The following SCYL2 variants were observed in gnomAD, a reference collection of about 807,000 sequenced individuals.
SCYL2 encodes SCY1-like protein 2.
Under a neutral mutation model 100.4 loss-of-function variants are expected in SCYL2, and 36 were observed. That is an observed-to-expected ratio of 0.36 (90% CI 0.27 to 0.47). The LOEUF is 0.47. SCYL2 is among the 20% of genes least tolerant of loss of function. SCYL2 has a pLI of 1.00. For synonymous variants in SCYL2, 330 were observed against 359.2 expected, an observed-to-expected ratio of 0.92 and a Z score of 0.92; for missense variants, 902 against 1,083.9, an observed-to-expected ratio of 0.83 and a Z score of 2.36.
intron 2 of SCYL2, among the ~76,000 whole-genome samples, chr12:100,289,537 T>C (rs1355950779): frequency 1.3e-5 from 2 of 152,224 alleles, no homozygotes; most frequent in Non-Finnish European, 2.9e-5. Flanking sequence ...TATCTTGTTA[T>C]TTCTATTATA....
intron 6 of SCYL2, among the ~76,000 whole-genome samples, chr12:100,312,971 A>G (rs1383835143): frequency 1.3e-5 from 2 of 152,056 alleles, no homozygotes; most frequent in African/African-American, 4.8e-5. Flanking sequence ...AAAAAATACA[A>G]AAAGTTAGCT....
chr12:100,288,915 T>C (rs1440809843), intron 2 of SCYL2, among the ~76,000 whole-genome samples: 9 of 151,936 alleles, frequency 5.9e-5, no homozygotes, highest in African/African-American at 1.9e-4. Context: ...GGAATCTCAC[T>C]GTGCTGCCCA....
intron 17 of SCYL2, among the ~76,000 whole-genome samples, chr12:100,338,316 A>G (rs1952305881): frequency 6.6e-6 from 1 of 152,176 alleles, no homozygotes; most frequent in Non-Finnish European, 1.5e-5. Context: ...AGTGTTCCCT[A>G]TCATCAAATC....
In SCYL2 at chr12:100,312,672, TTTGC is replaced by T; in HGVS notation, c.852+24_852+27del. The T allele has an allele frequency of 6.4e-7, 1 of 1,555,648 alleles. No individual in the cohort carries two copies. The highest frequency in any genetic ancestry group is 8.7e-7 in the Non-Finnish European group (1 of 1,143,680). On this transcript the variant is annotated intron_variant, in intron 6 of 17. Coordinates refer to ENST00000360820, the MANE Select transcript of SCYL2 (RefSeq NM_017988.6). ...GGATCAGGTATTTGCCTATAAATAA[TTTGC>T]TTGCATTAAAAAATTTATTAAATGT...
At chr12:100,300,025 A>G (rs1197112393) in intron 4 of SCYL2, among the ~76,000 whole-genome samples, 1 of 152,194 alleles carries the variant, frequency 6.6e-6, no homozygotes, top group Non-Finnish European at 1.5e-5. Context: ...AAAATCTGCT[A>G]TCTTTGGTCT....
At chr12:100,271,953 C>T (rs1354983461) in intron 1 of SCYL2, among the ~76,000 whole-genome samples, 2 of 152,146 alleles carry the variant, frequency 1.3e-5, no homozygotes, top group Non-Finnish European at 2.9e-5. Flanking sequence ...GAAAGAATTG[C>T]CAGTTCCTTT....
In SCYL2 at chr12:100,267,212, T is replaced by TCCCTC; in HGVS notation, c.-600_-596dup. On this transcript the variant is annotated 5_prime_UTR_variant, in exon 1 of 18. Coordinates refer to ENST00000360820, the MANE Select transcript of SCYL2 (RefSeq NM_017988.6). The stretch of plus-strand genomic sequence containing the variant: ...CCCCTCCCTTACTCTTCGTCCCCGG[T>TCCCTC]CCCTCCCCTCCCCACCCCTTTCCTT... 1.1e-6 allele frequency: 1 copy of TCCCTC among 892,994 alleles called. No homozygotes were observed. The highest frequency in any genetic ancestry group is 1.7e-6 in the Non-Finnish European group (1 of 604,882). 55.3% of individuals were successfully genotyped at this position (892,994 alleles called of 1,614,324 possible).
At chr12:100,271,796 G>A (rs1396417433) in intron 1 of SCYL2, among the ~76,000 whole-genome samples, 4 of 152,074 alleles carry the variant, frequency 2.6e-5, no homozygotes, top group Non-Finnish European at 5.9e-5. Context: ...GGGAAGCTGG[G>A]GAAAAAAGTA....
chr12:100,336,129 A>G (rs1469514763), intron 16 of SCYL2, among the ~76,000 whole-genome samples: 1 of 152,142 alleles, frequency 6.6e-6, no homozygotes, highest in Non-Finnish European at 1.5e-5. Flanking sequence ...CCACAAGGTA[A>G]TATTTATAGA....
At position 100,282,629 on chromosome 12, in the gene SCYL2, C is replaced by G. The variant is rs114447516; in HGVS notation, c.-28-314C>G. 8.4e-3 allele frequency among the ~76,000 whole-genome samples: 1,276 copies of G among 152,218 alleles called. 19 individuals carry two copies. The highest frequency in any genetic ancestry group is 0.029 in the African/African-American group (1,192 of 41,516). ...CGTGAGCCACCATGCCCATCCCCCA[C>G]TTTAAGTCTTAAAGGATCCATGTTA... On this transcript the variant is annotated intron_variant, in intron 1 of 17. Transcript: ENST00000360820.
chr12:100,302,392 A>C (rs1592947172), intron 4 of SCYL2, among the ~76,000 whole-genome samples: 2 of 152,124 alleles, frequency 1.3e-5, no homozygotes, highest in Admixed American at 6.5e-5. Flanking sequence ...AGTGGCTGGT[A>C]CCAGTTTTTC....
At chr12:100,305,752 T>C (rs55786237) in intron 4 of SCYL2, among the ~76,000 whole-genome samples, 20,937 of 132,164 alleles carry the variant, frequency 0.16, 1,771 homozygotes, top group Non-Finnish European at 0.19. Flanking sequence ...ATTAACAAAA[T>C]AGACTGCTAG....
intron 1 of SCYL2, among the ~76,000 whole-genome samples, chr12:100,268,704 C>T (rs1433708551): frequency 6.6e-6 from 1 of 152,144 alleles, no homozygotes; most frequent in Non-Finnish European, 1.5e-5. Context: ...CAGATCAACC[C>T]TGTTACTGGG....
At chr12:100,291,801 C>T in intron 3 of SCYL2, 141 bp downstream of exon 3, 1 of 728,854 alleles carries the variant, frequency 1.4e-6, no homozygotes, top group Non-Finnish European at 2.2e-6. Flanking sequence ...TAGTTTTCTC[C>T]CTAAAATTTA....
rs78157199 is a variant in SCYL2, at chr12:100,283,233, G to A, written c.177+86G>A. On this transcript the variant is annotated intron_variant, in intron 2 of 17. Transcript: ENST00000360820. ...TGTGTGCATTTTTATGTTAAGAAAT[G>A]CCAAAAGTTCTTTAATAGGTTCTTA... is the stretch of plus-strand genomic sequence containing the variant. 3.7e-3 allele frequency: 4,416 copies of A among 1,192,212 alleles called. 120 individuals are homozygous for A. The African/African-American group carries it at 0.059, about 16-fold the overall frequency. The allele number at this position is 1,192,212 out of a possible 1,614,324, so 73.9% of individuals were successfully genotyped here.
chr12:100,317,938 AT>A lies in SCYL2; in HGVS notation c.1395+16del, dbSNP rs754911222. On this transcript the variant is annotated intron_variant, in intron 10 of 17. Coordinates refer to ENST00000360820, the MANE Select transcript of SCYL2 (RefSeq NM_017988.6). ...CATTCAGATCCAGGTACAGTATCTG[AT>A]TTGTTTTTCTTTAATGATGATTTTG... 6.5e-7 allele frequency: 1 copy of A among 1,534,222 alleles called. No individual in the cohort carries two copies. The highest frequency in any genetic ancestry group is 2.3e-5 in the East Asian group (1 of 42,896).
Position 100,291,662 on chromosome 12 carries a change from T to C in SCYL2, c.335+2T>C. 6.4e-7 allele frequency: 1 copy of C among 1,568,110 alleles called. No homozygotes were observed. The highest frequency in any genetic ancestry group is 1.3e-5 in the South Asian group (1 of 79,068). On this transcript the variant is annotated splice_donor_variant, in intron 3 of 17. Transcript: ENST00000360820. LOFTEE classifies it high-confidence loss of function. ...CCAGCATCCTTTAGAAGAATCCAGG[T>C]AAATTTTTACAAAAACTTACATAGT... is the stretch of plus-strand genomic sequence containing the variant.
intron 10 of SCYL2, among the ~76,000 whole-genome samples, chr12:100,323,030 G>GAAAA (rs755343482): frequency 3.5e-5 from 2 of 56,772 alleles, no homozygotes; most frequent in African/African-American, 6.9e-5. Flanking sequence ...CCTGTCTCAA[G>GAAAA]AAAAAAAAAA....
At chr12:100,332,231 A>T (rs1392036761) in intron 13 of SCYL2, among the ~76,000 whole-genome samples, 1 of 152,204 alleles carries the variant, frequency 6.6e-6, no homozygotes, top group Non-Finnish European at 1.5e-5. Flanking sequence ...AGAGTTTTCA[A>T]TGAGGTCTGA....
Sources: gnomAD v4.1 joint callset for allele counts (sites outside exome capture counted in the v4.1 genomes callset) on GRCh38, gnomAD v4.1.1 for gene constraint, MANE v1.5 for transcripts, NCBI Gene and HGNC (gene_info 2026-07-23, HGNC 2026-07-21) for gene names.